The following ARHGAP15 variants were observed in gnomAD, a reference collection of about 807,000 sequenced individuals.
ARHGAP15 encodes rho GTPase-activating protein 15.
ARHGAP15 carries 51 observed loss-of-function variants against 63.7 expected under a neutral mutation model. The ratio of observed to expected loss-of-function variants is 0.80; its 90% confidence interval spans 0.64 to 1.01. The LOEUF (loss-of-function observed/expected upper bound fraction) is 1.01, where lower values mean the gene tolerates loss of function less well. Ranked by LOEUF, ARHGAP15 falls within the 50% of genes least tolerant of loss-of-function variation. The pLI, the probability that ARHGAP15 is intolerant of heterozygous loss-of-function variation, is 0.00. For synonymous variants in ARHGAP15, 191 were observed against 193.8 expected, an observed-to-expected ratio of 0.99 and a Z score of 0.12; for missense variants, 560 against 564.6, an observed-to-expected ratio of 0.99 and a Z score of 0.08.
intron 8 of ARHGAP15, among the ~76,000 whole-genome samples, chr2:143,475,349 C>A (rs1368648194): frequency 2.6e-5 from 4 of 152,238 alleles, no homozygotes; most frequent in African/African-American, 9.6e-5. Context: ...CTGCTCAGAG[C>A]ACCCCTTGCA....
chr2:143,475,895 A>G (rs1199533136), intron 8 of ARHGAP15, among the ~76,000 whole-genome samples: 1 of 152,200 alleles, frequency 6.6e-6, no homozygotes, highest in Non-Finnish European at 1.5e-5. Flanking sequence ...CTCCTATGCA[A>G]TTTATTTTCC....
chr2:143,430,074 G>C lies in ARHGAP15; in HGVS notation c.475-5527G>C, dbSNP rs1032550992. Among the ~76,000 whole-genome samples the C allele has an allele frequency of 2.6e-5, 4 of 152,070 alleles. No homozygotes were observed. In the South Asian group the frequency reaches 6.2e-4, roughly 24 times the overall value. On this transcript the variant is annotated intron_variant, in intron 6 of 13. Transcript: ENST00000295095. ...AAGACTGCTATCATTGTTTGCTAGGGTAACCCTGGATAAGGCTGCTATCCA... is the reference window on the plus strand; with the variant it reads ...AAGACTGCTATCATTGTTTGCTAGGCTAACCCTGGATAAGGCTGCTATCCA...
intron 13 of ARHGAP15, among the ~76,000 whole-genome samples, chr2:143,740,449 A>G (rs557345936): frequency 1.3e-5 from 2 of 152,352 alleles, no homozygotes; most frequent in South Asian, 2.1e-4. Context: ...TATTTCCTCA[A>G]TTGAAAAATG....
chr2:143,407,493 G>A (rs1307340048), intron 6 of ARHGAP15, among the ~76,000 whole-genome samples: 2 of 151,744 alleles, frequency 1.3e-5, no homozygotes, highest in African/African-American at 4.8e-5. Context: ...AAGATTCTGA[G>A]CATGCTTTTT....
At position 143,609,144 on chromosome 2, in the gene ARHGAP15, GAAATCCACAGTC is replaced by G. The variant is rs148250703; in HGVS notation, c.1004-14984_1004-14973del. Among the ~76,000 whole-genome samples the G allele has an allele frequency of 4.8e-3, 724 of 152,242 alleles. 7 individuals are homozygous for G. Among genetic ancestry groups the G allele is most frequent in the African/African-American group, 0.016 (683 of 41,538 alleles). Reference sequence around the variant, plus strand: ...TGTAGCTTTCCTGCCCCCAAATTCAGAAATCCACAGTCAAATTATCTCTTCTTTAATTCTTAA... The same window carrying G: ...TGTAGCTTTCCTGCCCCCAAATTCAGAAATTATCTCTTCTTTAATTCTTAA... On this transcript the variant is annotated intron_variant, in intron 11 of 13. Transcript: ENST00000295095.
chr2:143,464,506 A>C (rs1691109817), intron 8 of ARHGAP15, among the ~76,000 whole-genome samples: 3 of 152,196 alleles, frequency 2.0e-5, no homozygotes, highest in African/African-American at 7.2e-5. Flanking sequence ...ATAAATAAAT[A>C]AATCCTCTGT....
intron 2 of ARHGAP15, among the ~76,000 whole-genome samples, chr2:143,182,813 G>A (rs1367565063): frequency 6.6e-6 from 1 of 152,146 alleles, no homozygotes; most frequent in Non-Finnish European, 1.5e-5. Context: ...CTGACTGTAT[G>A]TAACAGGGCA....
At chr2:143,192,020 C>T (rs777638882) in intron 2 of ARHGAP15, among the ~76,000 whole-genome samples, 5 of 152,200 alleles carry the variant, frequency 3.3e-5, no homozygotes, top group African/African-American at 1.2e-4. Flanking sequence ...GCCAGACTAA[C>T]CCATAAAGGT....
chr2:143,293,530 G>A (rs571312426), intron 6 of ARHGAP15, among the ~76,000 whole-genome samples: 3 of 152,156 alleles, frequency 2.0e-5, no homozygotes, highest in South Asian at 2.1e-4. Flanking sequence ...TATCCATTTC[G>A]CACAGTTTAG....
At chr2:143,450,153 CTT>C (rs557420934) in intron 8 of ARHGAP15, among the ~76,000 whole-genome samples, 44 of 91,290 alleles carry the variant, frequency 4.8e-4, no homozygotes, top group Non-Finnish European at 5.9e-4. Flanking sequence ...AGGTTTCATG[CTT>C]TTTTTTTTTT....
chr2:143,571,166 T>C (rs1429917154), intron 11 of ARHGAP15, among the ~76,000 whole-genome samples: 1 of 152,200 alleles, frequency 6.6e-6, no homozygotes, highest in Non-Finnish European at 1.5e-5. Flanking sequence ...ATGGGACTGT[T>C]TATTTGCAGG....
chr2:143,388,273 A>C (rs7602937), intron 6 of ARHGAP15, among the ~76,000 whole-genome samples: 29,561 of 152,190 alleles, frequency 0.19, 3,547 homozygotes, highest in East Asian at 0.49. Flanking sequence ...CCAAAGGTGA[A>C]TGCTTTGCAA....
intron 6 of ARHGAP15, among the ~76,000 whole-genome samples, chr2:143,358,691 T>G (rs1392421446): frequency 8.6e-5 from 13 of 151,558 alleles, no homozygotes; most frequent in Non-Finnish European, 1.6e-4. Flanking sequence ...ATGCAACATA[T>G]CTATACTAAC....
intron 1 of ARHGAP15, among the ~76,000 whole-genome samples, chr2:143,150,330 G>C (rs1689765753): frequency 6.6e-6 from 1 of 151,962 alleles, no homozygotes; most frequent in Admixed American, 6.6e-5. Context: ...TGGGAGAGCA[G>C]CTATGAAATT....
In ARHGAP15 at chr2:143,500,151, T is replaced by C. The variant is rs541355929; in HGVS notation, c.826+12656T>C. On this transcript the variant is annotated intron_variant, in intron 9 of 13. Coordinates refer to ENST00000295095, the MANE Select transcript of ARHGAP15 (RefSeq NM_018460.4). ...GTTAGGTGTGCTCATTATACAATATTGTGACCTAGCTCCTTTCTGTTTTCA... is the reference window on the plus strand; with the variant it reads ...GTTAGGTGTGCTCATTATACAATATCGTGACCTAGCTCCTTTCTGTTTTCA... 8.7e-4 allele frequency among the ~76,000 whole-genome samples: 132 copies of C among 151,802 alleles called. 1 individual carries two copies. The highest frequency in any genetic ancestry group is 6.8e-3 in the Admixed American group (104 of 15,274).
At chr2:143,712,694 A>T (rs1004585197) in intron 13 of ARHGAP15, among the ~76,000 whole-genome samples, 1 of 152,210 alleles carries the variant, frequency 6.6e-6, no homozygotes, top group African/African-American at 2.4e-5. Flanking sequence ...TTTTGTGATG[A>T]AAACTACTCA....
chr2:143,365,765 C>A (rs77253826), intron 6 of ARHGAP15, among the ~76,000 whole-genome samples: 2,665 of 152,232 alleles, frequency 0.018, 43 homozygotes, highest in South Asian at 0.1. Flanking sequence ...AATAATCATA[C>A]CCACCTTTGA....
intron 10 of ARHGAP15, among the ~76,000 whole-genome samples, chr2:143,519,844 C>A (rs1378860830): frequency 6.6e-6 from 1 of 152,152 alleles, no homozygotes; most frequent in Non-Finnish European, 1.5e-5. Flanking sequence ...TTTTCAGGAA[C>A]AATTAAAAGA....
intron 6 of ARHGAP15, among the ~76,000 whole-genome samples, chr2:143,411,022 T>C (rs1034068144): frequency 6.6e-6 from 1 of 151,810 alleles, no homozygotes; most frequent in Non-Finnish European, 1.5e-5. Context: ...CTGACCAACA[T>C]GGAAAAACCC....
Sources: allele counts gnomAD v4.1 joint callset (sites outside exome capture counted in the v4.1 genomes callset), GRCh38; gene constraint gnomAD v4.1.1; transcripts MANE v1.5; gene names NCBI Gene and HGNC (gene_info 2026-07-23, HGNC 2026-07-21).